The following NTNG1 variants were observed in gnomAD, a reference collection of about 807,000 sequenced individuals.
The protein encoded by NTNG1 is netrin G1.
NTNG1 carries 16 observed loss-of-function variants against 54.0 expected under a neutral mutation model. The observed-to-expected ratio is 0.30, with a 90% CI of 0.20 to 0.45. The LOEUF (loss-of-function observed/expected upper bound fraction) is 0.45, where lower values mean the gene tolerates loss of function less well. Ranked by LOEUF, NTNG1 falls within the 20% of genes least tolerant of loss-of-function variation. The pLI, the probability that NTNG1 is intolerant of heterozygous loss-of-function variation, is 1.00. For synonymous variants in NTNG1, 255 were observed against 263.1 expected (o/e 0.97, Z 0.30); for missense variants, 530 against 678.7 (o/e 0.78, Z 2.43).
intron 2 of NTNG1, among the ~76,000 whole-genome samples, chr1:107,172,948 T>C (rs972358897): frequency 6.6e-6 from 1 of 152,202 alleles, no homozygotes; most frequent in Admixed American, 6.5e-5. Flanking sequence ...AACTTGACTC[T>C]TGAGAACAGC....
intron 2 of NTNG1, among the ~76,000 whole-genome samples, chr1:107,178,360 T>C (rs1656806944): frequency 6.6e-6 from 1 of 152,160 alleles, no homozygotes; most frequent in Non-Finnish European, 1.5e-5. Flanking sequence ...CTCCTATCTT[T>C]CTTGTGAGTT....
rs1383108596 is a variant in NTNG1 at position 107,314,361 on chromosome 1, T to C, written c.247-9921T>C. Among the ~76,000 whole-genome samples the C allele has an allele frequency of 3.3e-5, 5 of 152,094 alleles. No individual in the cohort carries two copies. The South Asian group carries it at 6.2e-4, about 19-fold the overall frequency. The stretch of plus-strand genomic sequence containing the variant: ...TTGCAGTGAGCCAAGATCGCACCAC[T>C]GCACTCCAGCCTGGGCAAAGAGGGA... On this transcript the variant is annotated intron_variant, in intron 2 of 7. Coordinates refer to ENST00000370068, the MANE Select transcript of NTNG1 (RefSeq NM_001113226.3).
chr1:107,163,832 A>G (rs1396782043), intron 2 of NTNG1, among the ~76,000 whole-genome samples: 3 of 152,218 alleles, frequency 2.0e-5, no homozygotes, highest in Non-Finnish European at 4.4e-5. Context: ...TCTTTTTATT[A>G]ATGACATATT....
Position 107,243,837 on chromosome 1 carries a change from G to A in NTNG1, c.247-80445G>A, listed in dbSNP as rs913730588. Among the ~76,000 whole-genome samples, 17 of 152,062 alleles carry A rather than the reference G, an allele frequency of 1.1e-4. No homozygotes were observed. In the East Asian group the frequency reaches 2.7e-3, roughly 24 times the overall value. ...ATTTTAATGTAAGGATAGATATACC[G>A]ATAGAAGAAAACTATTCAGTTCCTT... On this transcript the variant is annotated intron_variant, in intron 2 of 7. Transcript: ENST00000370068.
intron 2 of NTNG1, among the ~76,000 whole-genome samples, chr1:107,224,365 G>T (rs1660542848): frequency 6.6e-6 from 1 of 152,164 alleles, no homozygotes; most frequent in Admixed American, 6.6e-5. Flanking sequence ...TGCCCATAGA[G>T]ATCTAAGAAA....
chr1:107,254,498 C>A (rs930562856), intron 2 of NTNG1, among the ~76,000 whole-genome samples: 1 of 152,194 alleles, frequency 6.6e-6, no homozygotes, highest in Non-Finnish European at 1.5e-5. Context: ...CTCAAGAGCT[C>A]CCCGGGCTCC....
chr1:107,239,591 G>T (rs1391092693), intron 2 of NTNG1, among the ~76,000 whole-genome samples: 1 of 152,118 alleles, frequency 6.6e-6, no homozygotes, highest in Non-Finnish European at 1.5e-5. Context: ...TAAATAATTC[G>T]ACCAAAATCC....
chr1:107,471,419 G>T (rs1677972655), intron 7 of NTNG1, among the ~76,000 whole-genome samples: 1 of 152,150 alleles, frequency 6.6e-6, no homozygotes, highest in African/African-American at 2.4e-5. Context: ...TCAGTCTGTT[G>T]TTTGCATCCG....
At chr1:107,239,746 TG>T (rs1661694276) in intron 2 of NTNG1, among the ~76,000 whole-genome samples, 1 of 151,962 alleles carries the variant, frequency 6.6e-6, no homozygotes, top group African/African-American at 2.4e-5. Context: ...AGTTGGGGTG[TG>T]GGGCAGAATA....
At chr1:107,302,545 T>C (rs547030160) in intron 2 of NTNG1, among the ~76,000 whole-genome samples, 2 of 152,248 alleles carry the variant, frequency 1.3e-5, no homozygotes, top group East Asian at 3.9e-4. Flanking sequence ...TTGTGTTTGA[T>C]TTGAGGGTCA....
chr1:107,242,258 G>A (rs954636003), intron 2 of NTNG1, among the ~76,000 whole-genome samples: 2 of 152,130 alleles, frequency 1.3e-5, no homozygotes, highest in African/African-American at 4.8e-5. Context: ...AAAGTTTGCC[G>A]TGAGGCAAGA....
intron 6 of NTNG1, among the ~76,000 whole-genome samples, chr1:107,433,045 G>A (rs1181900235): frequency 1.3e-5 from 2 of 152,120 alleles, no homozygotes; most frequent in Non-Finnish European, 2.9e-5. Context: ...ATATGAAAAA[G>A]ATATCAATTT....
chr1:107,142,392 T>C (rs765882051), intron 1 of NTNG1, among the ~76,000 whole-genome samples: 1 of 152,062 alleles, frequency 6.6e-6, no homozygotes, highest in Non-Finnish European at 1.5e-5. Flanking sequence ...GCGGGGATTT[T>C]AAAGCAACTT....
At chr1:107,146,324 T>G (rs759719450) in intron 1 of NTNG1, among the ~76,000 whole-genome samples, 9 of 152,088 alleles carry the variant, frequency 5.9e-5, no homozygotes, top group Non-Finnish European at 1.2e-4. Flanking sequence ...CTTTGGAAAG[T>G]ATTTGTTTCC....
intron 2 of NTNG1, among the ~76,000 whole-genome samples, chr1:107,217,865 T>A (rs999755436): frequency 6.6e-6 from 1 of 152,214 alleles, no homozygotes; most frequent in East Asian, 1.9e-4. Flanking sequence ...TTGTGGCCTA[T>A]CATTTGGTCT....
intron 2 of NTNG1, among the ~76,000 whole-genome samples, chr1:107,205,389 T>C (rs1335821396): frequency 6.6e-6 from 1 of 152,166 alleles, no homozygotes; most frequent in Non-Finnish European, 1.5e-5. Flanking sequence ...TATCCAGCGT[T>C]TCCTTGTAAG....
At chr1:107,345,238 T>A (rs1273023921) in intron 3 of NTNG1, among the ~76,000 whole-genome samples, 1 of 152,156 alleles carries the variant, frequency 6.6e-6, no homozygotes, top group African/African-American at 2.4e-5. Flanking sequence ...AGATAACTGA[T>A]CTCTACCCTG....
chr1:107,252,035 C>G (rs1048259259), intron 2 of NTNG1, among the ~76,000 whole-genome samples: 36 of 152,256 alleles, frequency 2.4e-4, no homozygotes, highest in African/African-American at 8.2e-4. Context: ...GTATGTTACT[C>G]AATTTCTTTC....
At chr1:107,438,781 A>G (rs1290129956) in intron 7 of NTNG1, among the ~76,000 whole-genome samples, 1 of 152,174 alleles carries the variant, frequency 6.6e-6, no homozygotes, top group Non-Finnish European at 1.5e-5. Flanking sequence ...TATATTCATT[A>G]TTGGAGTATT....
Sources: gnomAD v4.1 joint callset for allele counts (sites outside exome capture counted in the v4.1 genomes callset) on GRCh38, gnomAD v4.1.1 for gene constraint, MANE v1.5 for transcripts, NCBI Gene and HGNC (gene_info 2026-07-23, HGNC 2026-07-21) for gene names.